TMED3: variants seen among roughly 807,000 people sequenced by gnomAD.
TMED3 encodes transmembrane emp24 domain-containing protein 3.
TMED3 carries 9 observed loss-of-function variants against 15.0 expected under a neutral mutation model. The observed-to-expected ratio is 0.60, with a 90% CI of 0.36 to 1.04. TMED3 has a LOEUF of 1.04. Among genes scored for constraint, TMED3 ranks in the 50% least tolerant of loss-of-function variants. The pLI, the probability that TMED3 is intolerant of heterozygous loss-of-function variation, is 0.01. For missense variants in TMED3, 267 were observed against 278.9 expected (o/e 0.96, Z 0.30); for synonymous variants, 117 against 121.4 (o/e 0.96, Z 0.24).
intron 2 of TMED3, among the ~76,000 whole-genome samples, chr15:79,380,594 T>TAGAG (rs1288458197): frequency 0.01 from 1,415 of 140,046 alleles, 21 homozygotes; most frequent in African/African-American, 0.034. Flanking sequence ...TATATATATA[T>TAGAG]ATATATAGAG....
intron 2 of TMED3, among the ~76,000 whole-genome samples, chr15:79,377,692 G>A (rs962873121): frequency 1.4e-5 from 2 of 141,724 alleles, no homozygotes; most frequent in African/African-American, 5.4e-5. Context: ...CTTTCGCCCA[G>A]GCCAGACTGC....
intron 2 of TMED3, among the ~76,000 whole-genome samples, chr15:79,370,230 C>T (rs530100946): frequency 4.7e-5 from 7 of 149,114 alleles, no homozygotes; most frequent in East Asian, 2.0e-4. Flanking sequence ...GCTGGGATTA[C>T]AGGCATGGGC....
intron 2 of TMED3, among the ~76,000 whole-genome samples, chr15:79,342,648 A>G (rs1047692077): frequency 6.6e-6 from 1 of 152,230 alleles, no homozygotes; most frequent in Non-Finnish European, 1.5e-5. Flanking sequence ...TATACACTGT[A>G]TAAACAAAAC....
exon 3 of TMED3, chr15:79,411,595 A>G (rs1253035931): frequency 7.4e-6 from 5 of 675,640 alleles, no homozygotes; most frequent in South Asian, 1.6e-5. Context: ...CAGAGCTACC[A>G]TGCACTGGGA....
chr15:79,393,852 T>A (rs1023973067), intron 2 of TMED3, among the ~76,000 whole-genome samples: 1 of 152,124 alleles, frequency 6.6e-6, no homozygotes, highest in African/African-American at 2.4e-5. Context: ...CATGCCACCT[T>A]GCCCAACTAA....
In TMED3 at chr15:79,313,748, G is replaced by C; in HGVS notation, c.169-9G>C. 6.2e-7 allele frequency: 1 copy of C among 1,605,976 alleles called. No individual in the cohort carries two copies. Among genetic ancestry groups the C allele is most frequent in the Non-Finnish European group, 8.5e-7 (1 of 1,174,434 alleles). ...CCTTTGATAACAGCAATTTTTTTAT[G>C]GTTGTCAGGTCATCACTGGAGGCCA... is the stretch of plus-strand genomic sequence containing the variant. On this transcript the variant is annotated splice_polypyrimidine_tract_variant and intron_variant, in intron 1 of 2. Transcript: ENST00000299705.
At chr15:79,379,235 G>A (rs1595905936) in intron 2 of TMED3, among the ~76,000 whole-genome samples, 1 of 152,054 alleles carries the variant, frequency 6.6e-6, no homozygotes, top group Non-Finnish European at 1.5e-5. Flanking sequence ...ATTATCAAAT[G>A]TCTTAATTGT....
intron 2 of TMED3, among the ~76,000 whole-genome samples, chr15:79,407,996 C>G (rs1306522597): frequency 6.6e-6 from 1 of 152,172 alleles, no homozygotes; most frequent in Non-Finnish European, 1.5e-5. Flanking sequence ...ATTCAGAGTA[C>G]TAGTTCCTAC....
At chr15:79,380,593 A>G (rs1231388279) in intron 2 of TMED3, among the ~76,000 whole-genome samples, 3 of 143,692 alleles carry the variant, frequency 2.1e-5, no homozygotes, top group Non-Finnish European at 3.0e-5. Flanking sequence ...ATATATATAT[A>G]TATATATAGA....
At chr15:79,349,250 T>C (rs1290436426) in intron 2 of TMED3, among the ~76,000 whole-genome samples, 4 of 152,256 alleles carry the variant, frequency 2.6e-5, no homozygotes, top group African/African-American at 9.6e-5. Flanking sequence ...AATACATTTG[T>C]TAATTAGTTA....
At chr15:79,346,053 C>A (rs2058870204) in intron 2 of TMED3, among the ~76,000 whole-genome samples, 1 of 151,966 alleles carries the variant, frequency 6.6e-6, no homozygotes, top group Non-Finnish European at 1.5e-5. Flanking sequence ...TGGAGTTAGA[C>A]CTTTGTCAGA....
At chr15:79,352,519 A>C (rs1348728337) in intron 2 of TMED3, among the ~76,000 whole-genome samples, 1 of 152,066 alleles carries the variant, frequency 6.6e-6, no homozygotes, top group Admixed American at 6.6e-5. Context: ...CTAATGTGAC[A>C]CATGCCTCTT....
At chr15:79,324,731 T>G (rs983648662), downstream of TMED3, among the ~76,000 whole-genome samples, 1 of 152,206 alleles carries the variant, frequency 6.6e-6, no homozygotes, top group African/African-American at 2.4e-5. Context: ...GAGAGGCTAT[T>G]TGCATCTGGA....
chr15:79,352,062 C>T (rs1005233626), intron 2 of TMED3, among the ~76,000 whole-genome samples: 3 of 144,112 alleles, frequency 2.1e-5, no homozygotes, highest in Non-Finnish European at 4.5e-5. Context: ...TTTGGGGACT[C>T]GGGGGGAAAG....
intron 2 of TMED3, among the ~76,000 whole-genome samples, chr15:79,318,072 C>T (rs558756260): frequency 6.6e-6 from 1 of 152,262 alleles, no homozygotes; most frequent in South Asian, 2.1e-4. Context: ...CAGACCAGGC[C>T]CTGTACAGTT....
At chr15:79,369,373 G>A (rs1187381826) in intron 2 of TMED3, among the ~76,000 whole-genome samples, 2 of 152,144 alleles carry the variant, frequency 1.3e-5, no homozygotes, top group Non-Finnish European at 1.5e-5. Flanking sequence ...TAGCTTGACC[G>A]CCTGGTAAGT....
intron 2 of TMED3, among the ~76,000 whole-genome samples, chr15:79,392,814 C>G (rs1046094014): frequency 4.6e-5 from 7 of 152,222 alleles, no homozygotes; most frequent in African/African-American, 1.4e-4. Flanking sequence ...ACTACACATT[C>G]AGTACCACCC....
intron 2 of TMED3, among the ~76,000 whole-genome samples, chr15:79,329,281 C>A (rs916754862): frequency 1.3e-5 from 2 of 152,162 alleles, no homozygotes; most frequent in Non-Finnish European, 2.9e-5. Context: ...TGACTCACAG[C>A]CCCAAACAGC....
intron 2 of TMED3, among the ~76,000 whole-genome samples, chr15:79,317,104 G>C (rs559716035): frequency 5.3e-5 from 8 of 152,300 alleles, no homozygotes; most frequent in Non-Finnish European, 1.2e-4. Flanking sequence ...TGCCAAGAAA[G>C]CTGTAGAGTA....
Sources: allele counts gnomAD v4.1 joint callset (sites outside exome capture counted in the v4.1 genomes callset), GRCh38; gene constraint gnomAD v4.1.1; transcripts MANE v1.5; gene names NCBI Gene and HGNC (gene_info 2026-07-23, HGNC 2026-07-21).